FNDC3A: variants seen among roughly 807,000 people sequenced by gnomAD.
FNDC3A encodes the protein fibronectin type III domain containing 3A.
In FNDC3A, 32 loss-of-function variants were observed where a neutral mutation model predicts 148.9. The ratio of observed to expected loss-of-function variants is 0.21; its 90% CI spans 0.16 to 0.29. FNDC3A has a LOEUF of 0.29. Among genes scored for constraint, FNDC3A ranks in the 10% least tolerant of loss-of-function variants. The pLI is 1.00. For synonymous variants in FNDC3A, 472 were observed against 473.6 expected, an observed-to-expected ratio of 1.00 and a Z score of 0.04; for missense variants, 1,191 against 1,452.8, an observed-to-expected ratio of 0.82 and a Z score of 2.93.
chr13:49,104,228 T>C lies in FNDC3A; in HGVS notation c.176-10427T>C, dbSNP rs192247243. Among the ~76,000 whole-genome samples the C allele has an allele frequency of 3.3e-4, 50 of 152,198 alleles. No homozygotes were observed. In the East Asian group the frequency reaches 8.9e-3, roughly 27 times the overall value. On this transcript the variant is annotated intron_variant, in intron 3 of 25. Transcript: ENST00000492622. ...TGGACAAAAGCCTGATTATGGTGGG[T>C]TGCAATGTGATTTTGGGGCCGGGCG...
At chr13:49,120,099 G>GCCC (rs1468096239) in intron 4 of FNDC3A, among the ~76,000 whole-genome samples, 2 of 152,160 alleles carry the variant, frequency 1.3e-5, no homozygotes, top group African/African-American at 2.4e-5. Context: ...AGAAAGGTCA[G>GCCC]GTTACCCACA....
intron 3 of FNDC3A, among the ~76,000 whole-genome samples, chr13:49,110,660 T>C (rs1212520426): frequency 1.3e-5 from 2 of 152,210 alleles, no homozygotes; most frequent in Non-Finnish European, 1.5e-5. Context: ...ATCTGAAAAT[T>C]GGCATCAGAT....
At chr13:49,175,995 A>G (rs1436133225) in intron 13 of FNDC3A, among the ~76,000 whole-genome samples, 1 of 152,226 alleles carries the variant, frequency 6.6e-6, no homozygotes, top group Non-Finnish European at 1.5e-5. Context: ...GTGATGGATT[A>G]CGTTTATTGA....
At chr13:49,053,011 A>G (rs74743510) in intron 2 of FNDC3A, among the ~76,000 whole-genome samples, 1 of 152,056 alleles carries the variant, frequency 6.6e-6, no homozygotes, top group Non-Finnish European at 1.5e-5. Flanking sequence ...GAAAGCCGGC[A>G]CTCACAGGCC....
chr13:49,041,824 A>G (rs1294367397), intron 2 of FNDC3A, among the ~76,000 whole-genome samples: 2 of 151,846 alleles, frequency 1.3e-5, no homozygotes. Context: ...AAAAAAAAAA[A>G]AAAAAAGAAA....
At chr13:49,025,962 C>T (rs1160788498) in intron 2 of FNDC3A, among the ~76,000 whole-genome samples, 2 of 152,144 alleles carry the variant, frequency 1.3e-5, no homozygotes, top group East Asian at 1.9e-4. Flanking sequence ...ATAAGGCACA[C>T]ATGTGCAAAA....
intron 4 of FNDC3A, among the ~76,000 whole-genome samples, chr13:49,126,448 G>A (rs1881706502): frequency 6.6e-6 from 1 of 151,962 alleles, no homozygotes; most frequent in South Asian, 2.1e-4. Context: ...TTAAATAATA[G>A]CTCTCCATTT....
At position 49,117,177 on chromosome 13, in the gene FNDC3A, G is replaced by A. The variant is rs925000425; in HGVS notation, c.252+2446G>A. Among the ~76,000 whole-genome samples, 9 of 152,170 alleles carry A rather than the reference G, an allele frequency of 5.9e-5. No homozygotes were observed. The South Asian group carries it at 6.2e-4, about 11-fold the overall frequency. On this transcript the variant is annotated intron_variant, in intron 4 of 25. Coordinates refer to ENST00000492622, the MANE Select transcript of FNDC3A (RefSeq NM_001079673.2). Reference sequence around the variant, plus strand: ...AGATAATCATCCGAGTTGAGGTTCTGTAATCTTTAGACCAAAAGCCACAGA... The same window carrying A: ...AGATAATCATCCGAGTTGAGGTTCTATAATCTTTAGACCAAAAGCCACAGA...
In FNDC3A at chr13:49,020,140, G is replaced by A. The variant is rs528110535; in HGVS notation, c.99+13851G>A. Reference sequence around the variant, plus strand: ...TAATAAGAACTATTTAAGCACTTATGATCAGGCATTTGAGGCATTTAAAAT... The same window carrying A: ...TAATAAGAACTATTTAAGCACTTATAATCAGGCATTTGAGGCATTTAAAAT... On this transcript the variant is annotated intron_variant, in intron 2 of 25. Transcript: ENST00000492622. Among the ~76,000 whole-genome samples, 6 of 152,284 alleles carry A rather than the reference G, an allele frequency of 3.9e-5. No individual in the cohort carries two copies. The South Asian group carries it at 1.2e-3, about 32-fold the overall frequency.
intron 2 of FNDC3A, among the ~76,000 whole-genome samples, chr13:49,053,721 G>A (rs891025080): frequency 6.6e-6 from 1 of 152,096 alleles, no homozygotes; most frequent in Non-Finnish European, 1.5e-5. Flanking sequence ...TGTAGATGAC[G>A]TCTCATATGC....
intron 8 of FNDC3A, 44 bp downstream of exon 8, chr13:49,145,979 G>T: frequency 1.4e-6 from 2 of 1,464,424 alleles, no homozygotes; most frequent in Non-Finnish European, 9.4e-7. Context: ...GTAAATTAAT[G>T]GTTTATTATA....
At chr13:49,072,860 T>TG (rs60474618) in intron 2 of FNDC3A, among the ~76,000 whole-genome samples, 87,438 of 152,010 alleles carry the variant, frequency 0.58, 26,918 homozygotes, top group Non-Finnish European at 0.68. Flanking sequence ...AAGAGTATTT[T>TG]GGTGGAGTCT....
chr13:49,006,884 G>C (rs1278486210), intron 2 of FNDC3A, among the ~76,000 whole-genome samples: 1 of 151,992 alleles, frequency 6.6e-6, no homozygotes, highest in Non-Finnish European at 1.5e-5. Flanking sequence ...TATATGGTAG[G>C]TATTTTAACA....
chr13:49,146,136 C>G (rs980777177), intron 8 of FNDC3A: 2 of 492,500 alleles, frequency 4.1e-6, no homozygotes, highest in African/African-American at 4.0e-5. Flanking sequence ...AGAATAATCA[C>G]TTTTATTGGC....
rs376853615 is a variant in FNDC3A at position 49,065,974 on chromosome 13, T to C, written c.100-9315T>C. On this transcript the variant is annotated intron_variant, in intron 2 of 25. Coordinates refer to ENST00000492622, the MANE Select transcript of FNDC3A (RefSeq NM_001079673.2). Reference sequence around the variant, plus strand: ...GATAGAGTTCTTAAAAACATTCAAGTTTATGCTAAATGAATGTTATTCATT... The same window carrying C: ...GATAGAGTTCTTAAAAACATTCAAGCTTATGCTAAATGAATGTTATTCATT... Among the ~76,000 whole-genome samples, 4 of 152,150 alleles carry C rather than the reference T, an allele frequency of 2.6e-5. No homozygotes were observed. In the East Asian group the frequency reaches 5.8e-4, roughly 22 times the overall value.
intron 3 of FNDC3A, among the ~76,000 whole-genome samples, chr13:49,084,774 T>C (rs1878695375): frequency 6.6e-6 from 1 of 152,152 alleles, no homozygotes; most frequent in African/African-American, 2.4e-5. Flanking sequence ...ATTGCTAACC[T>C]TTTGGTTTCA....
At chr13:49,028,013 G>T (rs1414912719) in intron 2 of FNDC3A, among the ~76,000 whole-genome samples, 1 of 152,056 alleles carries the variant, frequency 6.6e-6, no homozygotes, top group African/African-American at 2.4e-5. Flanking sequence ...AGGAGTTTGA[G>T]ACCAGCCTGA....
intron 2 of FNDC3A, among the ~76,000 whole-genome samples, chr13:49,017,960 C>T (rs1009471112): frequency 6.6e-6 from 1 of 152,164 alleles, no homozygotes; most frequent in Non-Finnish European, 1.5e-5. Context: ...AGAGTTTCTG[C>T]CGAGAGATCC....
chr13:49,172,243 G>T (rs745790716), intron 11 of FNDC3A, 147 bp downstream of exon 11: 24 of 476,558 alleles, frequency 5.0e-5, no homozygotes, highest in Non-Finnish European at 8.7e-5. Flanking sequence ...TGGATTGATG[G>T]TGTTTTCAGA....
Sources: gnomAD v4.1 joint callset for allele counts (sites outside exome capture counted in the v4.1 genomes callset) on GRCh38, gnomAD v4.1.1 for gene constraint, MANE v1.5 for transcripts, NCBI Gene and HGNC (gene_info 2026-07-23, HGNC 2026-07-21) for gene names.